The following CNTNAP4 variants were observed in gnomAD, a reference collection of about 807,000 sequenced individuals.
CNTNAP4 encodes the protein contactin-associated protein-like 4.
A neutral mutation model predicts 148.4 loss-of-function variants in CNTNAP4; 98 were observed. The ratio of observed to expected loss-of-function variants is 0.66; its 90% CI spans 0.56 to 0.78. The LOEUF (loss-of-function observed/expected upper bound fraction) is 0.78. Among genes scored for constraint, CNTNAP4 ranks in the 30% least tolerant of loss-of-function variants. The probability of loss-of-function intolerance (pLI) is 0.00; values close to 1 mark genes in which losing one functional copy is unlikely to be tolerated. For synonymous variants in CNTNAP4, 730 were observed against 565.1 expected (o/e 1.29, Z -4.14); for missense variants, 1,935 against 1,565.6 (o/e 1.24, Z -3.98).
At chr16:76,434,208 C>T (rs1294507068) in intron 4 of CNTNAP4, among the ~76,000 whole-genome samples, 1 of 151,070 alleles carries the variant, frequency 6.6e-6, no homozygotes, top group Non-Finnish European at 1.5e-5. Context: ...AAGTAGTTTA[C>T]TGAGTATTAA....
intron 3 of CNTNAP4, among the ~76,000 whole-genome samples, chr16:76,422,924 A>G (rs1210608724): frequency 6.6e-6 from 1 of 152,136 alleles, no homozygotes; most frequent in African/African-American, 2.4e-5. Context: ...TGAAATCTTA[A>G]CCCTCAACAA....
At chr16:76,543,341 G>A (rs1418849340) in intron 21 of CNTNAP4, among the ~76,000 whole-genome samples, 1 of 152,156 alleles carries the variant, frequency 6.6e-6, no homozygotes, top group Non-Finnish European at 1.5e-5. Flanking sequence ...ATATTTTAAT[G>A]CAGTATATTT....
chr16:76,354,781 G>C (rs958980677), intron 2 of CNTNAP4, among the ~76,000 whole-genome samples: 3 of 152,180 alleles, frequency 2.0e-5, no homozygotes, highest in Admixed American at 6.5e-5. Context: ...TTCAACATCT[G>C]TCCCTCCCAA....
intron 4 of CNTNAP4, among the ~76,000 whole-genome samples, chr16:76,437,488 G>A (rs912043191): frequency 6.6e-6 from 1 of 152,102 alleles, no homozygotes; most frequent in Non-Finnish European, 1.5e-5. Context: ...AGTTGAAGAG[G>A]CTCTCACTGA....
chr16:76,310,179 C>G (rs1287144726), intron 1 of CNTNAP4, among the ~76,000 whole-genome samples: 1 of 152,040 alleles, frequency 6.6e-6, no homozygotes, highest in African/African-American at 2.4e-5. Context: ...AACAGAGGTA[C>G]ATCAGGTACT....
chr16:76,552,410 C>G (rs927988213), intron 21 of CNTNAP4, among the ~76,000 whole-genome samples: 1 of 152,056 alleles, frequency 6.6e-6, no homozygotes, highest in African/African-American at 2.4e-5. Flanking sequence ...GACATCTGAG[C>G]CTTCAAAGCC....
At chr16:76,343,801 A>C (rs1282180867) in intron 2 of CNTNAP4, among the ~76,000 whole-genome samples, 1 of 152,198 alleles carries the variant, frequency 6.6e-6, no homozygotes, top group Non-Finnish European at 1.5e-5. Flanking sequence ...ATCAAGAATA[A>C]GGCAAACAAA....
chr16:76,489,719 C>T lies in CNTNAP4; in HGVS notation c.1916C>T (p.Ser639Phe). 6.2e-7 allele frequency: 1 copy of T among 1,604,636 alleles called. No individual in the cohort carries two copies. Among genetic ancestry groups the T allele is most frequent in the Non-Finnish European group, 8.5e-7 (1 of 1,174,752 alleles). The change falls in exon 13 of 24, where the codon TCT (serine) becomes TTT (phenylalanine). Residue 639 changes from serine to phenylalanine, a missense_variant. Ser to Phe is a radical substitution (Grantham distance 155). Coordinates refer to ENST00000611870, the MANE Select transcript of CNTNAP4 (RefSeq NM_033401.5). ...TAWTIIQHNG[S>F]DLTRVRNTNP... The stretch of plus-strand genomic sequence containing the variant: ...TGGACCATCATACAGCACAACGGCT[C>T]TGACTTAACAAGAGTCAGAAATACT...
chr16:76,368,548 C>G (rs1308612252), intron 3 of CNTNAP4, among the ~76,000 whole-genome samples: 1 of 152,130 alleles, frequency 6.6e-6, no homozygotes, highest in Non-Finnish European at 1.5e-5. Context: ...TGGAAACCAT[C>G]ATTCTCAGCA....
chr16:76,377,060 G>A (rs1038310492), intron 3 of CNTNAP4, among the ~76,000 whole-genome samples: 44 of 151,948 alleles, frequency 2.9e-4, no homozygotes, highest in Admixed American at 2.8e-3. Flanking sequence ...TGCAGGGTAG[G>A]CTGGCAGGCT....
intron 1 of CNTNAP4, among the ~76,000 whole-genome samples, chr16:76,288,344 T>C (rs530315474): frequency 4.5e-4 from 68 of 152,300 alleles, no homozygotes; most frequent in South Asian, 1.5e-3. Context: ...TATGTCTTCA[T>C]AGCAGCATGA....
intron 4 of CNTNAP4, among the ~76,000 whole-genome samples, chr16:76,437,696 T>C (rs978962446): frequency 1.3e-5 from 2 of 152,106 alleles, no homozygotes; most frequent in African/African-American, 4.8e-5. Context: ...CATATCTTAA[T>C]TTTCCTATGT....
chr16:76,409,031 A>G (rs1431812681), intron 3 of CNTNAP4, among the ~76,000 whole-genome samples: 1 of 151,970 alleles, frequency 6.6e-6, no homozygotes, highest in Non-Finnish European at 1.5e-5. Context: ...TTTTTTCATT[A>G]CTATACATTT....
At chr16:76,497,171 A>C (rs973237601) in intron 14 of CNTNAP4, among the ~76,000 whole-genome samples, 2 of 152,206 alleles carry the variant, frequency 1.3e-5, no homozygotes, top group African/African-American at 4.8e-5. Context: ...TTCTTAATTA[A>C]AAAATTAAAT....
At chr16:76,308,988 A>T (rs1237679992) in intron 1 of CNTNAP4, among the ~76,000 whole-genome samples, 10 of 145,866 alleles carry the variant, frequency 6.9e-5, no homozygotes, top group African/African-American at 5.2e-5. Flanking sequence ...TTTTTTTTTT[A>T]AAGAGATGGG....
chr16:76,541,357 A>G (rs1172906792), intron 21 of CNTNAP4, among the ~76,000 whole-genome samples: 1 of 152,222 alleles, frequency 6.6e-6, no homozygotes, highest in African/African-American at 2.4e-5. Flanking sequence ...CTGGAGTAGA[A>G]ATGCACTGTT....
At chr16:76,534,075 G>A (rs1328535819) in intron 17 of CNTNAP4, among the ~76,000 whole-genome samples, 1 of 152,130 alleles carries the variant, frequency 6.6e-6, no homozygotes, top group Non-Finnish European at 1.5e-5. Flanking sequence ...TATTAGAAAT[G>A]TTCATTAAAT....
chr16:76,282,719 A>T (rs1345077580), intron 1 of CNTNAP4, among the ~76,000 whole-genome samples: 3 of 151,938 alleles, frequency 2.0e-5, no homozygotes, highest in Non-Finnish European at 2.9e-5. Context: ...TTCTGGGTAA[A>T]TGGTTTGTGT....
Position 76,414,343 on chromosome 16 carries a change from T to A in CNTNAP4, c.391-13109T>A, listed in dbSNP as rs139295347. The stretch of plus-strand genomic sequence containing the variant: ...ATTACATTGAATGACTTTTAAATAT[T>A]AAGCAATTCTTGCATTCCTGGAATT... On this transcript the variant is annotated intron_variant, in intron 3 of 23. Transcript: ENST00000611870. 6.4e-3 allele frequency among the ~76,000 whole-genome samples: 973 copies of A among 151,554 alleles called. 8 individuals are homozygous for A. The highest frequency in any genetic ancestry group is 0.022 in the African/African-American group (920 of 41,514).
Sources: gnomAD v4.1 joint callset for allele counts (sites outside exome capture counted in the v4.1 genomes callset) on GRCh38, gnomAD v4.1.1 for gene constraint, MANE v1.5 for transcripts, NCBI Gene and HGNC (gene_info 2026-07-23, HGNC 2026-07-21) for gene names.